Variants in PHLPP2 observed in about 807,000 individuals in gnomAD.
The protein encoded by PHLPP2 is PH domain and leucine rich repeat protein phosphatase 2.
PHLPP2 carries 66 observed loss-of-function variants against 124.9 expected under a neutral mutation model. The ratio of observed to expected loss-of-function variants is 0.53; its 90% CI spans 0.43 to 0.65. The LOEUF is 0.65. Ranked by LOEUF, PHLPP2 falls within the 30% of genes least tolerant of loss-of-function variation. PHLPP2 has a pLI of 0.00. For missense variants in PHLPP2, 1,685 were observed against 1,600.4 expected (o/e 1.05, Z -0.90); for synonymous variants, 681 against 624.7 (o/e 1.09, Z -1.34).
At chr16:71,705,566 C>T (rs1330009959) in intron 2 of PHLPP2, among the ~76,000 whole-genome samples, 2 of 151,888 alleles carry the variant, frequency 1.3e-5, no homozygotes, top group East Asian at 3.9e-4. Flanking sequence ...GGCTGGAGTG[C>T]AGTGGTGCGA....
chr16:71,650,963 A>G (rs1333870276), intron 18 of PHLPP2, among the ~76,000 whole-genome samples: 7 of 152,248 alleles, frequency 4.6e-5, no homozygotes, highest in Admixed American at 4.6e-4. Context: ...GGTGTTTGGC[A>G]AATAATGGAC....
intron 15 of PHLPP2, among the ~76,000 whole-genome samples, chr16:71,657,383 T>G (rs1030706872): frequency 6.7e-6 from 1 of 148,992 alleles, no homozygotes; most frequent in East Asian, 2.0e-4. Flanking sequence ...CGGCCAACAA[T>G]AATATTATCT....
chr16:71,659,796 T>C (rs1444519634), intron 13 of PHLPP2, among the ~76,000 whole-genome samples: 1 of 152,146 alleles, frequency 6.6e-6, no homozygotes, highest in East Asian at 1.9e-4. Context: ...GTTTAAAAAT[T>C]ACAAAAATAA....
At chr16:71,682,134 G>A (rs1448108185) in intron 5 of PHLPP2, among the ~76,000 whole-genome samples, 1 of 150,352 alleles carries the variant, frequency 6.7e-6, no homozygotes, top group African/African-American at 2.4e-5. Flanking sequence ...ATAAGTACAA[G>A]GTTAAAAAAA....
At chr16:71,723,673 CG>C in intron 1 of PHLPP2, 6 of 520,186 alleles carry the variant, frequency 1.2e-5, no homozygotes, top group South Asian at 8.2e-5. Context: ...CTGCGCGGGG[CG>C]GGGGCGGCAG....
At chr16:71,659,367 T>C (rs906585306) in intron 13 of PHLPP2, among the ~76,000 whole-genome samples, 2 of 150,874 alleles carry the variant, frequency 1.3e-5, no homozygotes, top group African/African-American at 4.9e-5. Context: ...TTCTCCTGCC[T>C]CAGCCTCCCG....
rs1452071941 is a variant in PHLPP2, at chr16:71,684,516, G to T, written c.695C>A (p.Thr232Asn). ...QAQTYHVSFETLAEYQRWQRQ... is the reference protein window; with the variant it reads ...QAQTYHVSFENLAEYQRWQRQ... Reference sequence around the variant, plus strand: ...TTGCCATCGCTGGTACTCGGCCAAAGTCTCGAAGCTGACATGATAGGTCTG... The same window carrying T: ...TTGCCATCGCTGGTACTCGGCCAAATTCTCGAAGCTGACATGATAGGTCTG... The change falls in exon 5 of 19, where the codon ACT becomes AAT. Residue 232 changes from threonine (T) to asparagine (N), a missense_variant. Transcript: ENST00000568954. The T allele has an allele frequency of 6.2e-7, 1 of 1,614,000 alleles. No individual in the cohort carries two copies. Among genetic ancestry groups the T allele is most frequent in the Non-Finnish European group, 8.5e-7 (1 of 1,180,002 alleles).
At chr16:71,677,175 A>G (rs370909220) in intron 8 of PHLPP2, 3 of 157,498 alleles carry the variant, frequency 1.9e-5, no homozygotes, top group South Asian at 3.7e-4. Flanking sequence ...GCAAATACGT[A>G]TACAAATTAA....
At position 71,678,799 on chromosome 16, in the gene PHLPP2, T is replaced by A; in HGVS notation, c.1224A>T (p.Leu408Phe). 6.2e-7 allele frequency: 1 copy of A among 1,611,440 alleles called. No individual in the cohort carries two copies. Among genetic ancestry groups the A allele is most frequent in the Non-Finnish European group, 8.5e-7 (1 of 1,177,570 alleles). ...MAGNCLEVLN[L>F]GVLNRMNHIK... ...TATGGTTCATCCTATTCAGCACCCC[T>A]AAGTTCAGGACTTCCAGGCAATTTC... The change falls in exon 8 of 19, where the codon TTA (leucine) becomes TTT (phenylalanine). Residue 408 changes from leucine (L) to phenylalanine (F), a missense_variant. Coordinates refer to ENST00000568954, the MANE Select transcript of PHLPP2 (RefSeq NM_015020.3).
chr16:71,707,758 G>C (rs1406331043), intron 2 of PHLPP2, among the ~76,000 whole-genome samples: 2 of 152,142 alleles, frequency 1.3e-5, no homozygotes, highest in Non-Finnish European at 2.9e-5. Flanking sequence ...GTGCTGATTT[G>C]CATCAAGCTA....
intron 17 of PHLPP2, among the ~76,000 whole-genome samples, chr16:71,653,404 C>T (rs1302478312): frequency 6.6e-6 from 1 of 152,102 alleles, no homozygotes; most frequent in East Asian, 1.9e-4. Context: ...GGGTAAGAGG[C>T]TGGCCCAATA....
intron 5 of PHLPP2, among the ~76,000 whole-genome samples, chr16:71,682,904 G>A (rs528691213): frequency 1.3e-5 from 2 of 152,284 alleles, no homozygotes; most frequent in South Asian, 4.1e-4. Flanking sequence ...TAGGCGTGGT[G>A]GCTCACACCA....
At chr16:71,693,938 A>C (rs1408165647) in intron 3 of PHLPP2, among the ~76,000 whole-genome samples, 1 of 152,194 alleles carries the variant, frequency 6.6e-6, no homozygotes, top group Admixed American at 6.5e-5. Flanking sequence ...TACAACTGTA[A>C]TCCCAGCACT....
chr16:71,722,402 G>C (rs530428507), intron 1 of PHLPP2, among the ~76,000 whole-genome samples: 18 of 152,194 alleles, frequency 1.2e-4, no homozygotes, highest in South Asian at 6.2e-4. Flanking sequence ...ACTCAGGCTT[G>C]GGTGACAGAG....
Position 71,655,305 on chromosome 16 carries a change from T to C in PHLPP2, c.2520A>G (p.Leu840=), listed in dbSNP as rs2044732746. The change falls in exon 17 of 19, where the codon TTA becomes TTG. Residue 840 remains leucine, a synonymous_variant. Transcript: ENST00000568954. ...LLQCTMADVL[L]EEVQQSTNDT... is the part of the protein sequence containing the mutation. ...CATTAGTTGACTGCTGTACCTCTTCTAAAAGCACATCTGCCATCGTACACT... is the reference window on the plus strand; with the variant it reads ...CATTAGTTGACTGCTGTACCTCTTCCAAAAGCACATCTGCCATCGTACACT... 4 of 1,614,034 alleles carry C rather than the reference T, an allele frequency of 2.5e-6. No homozygotes were observed. The African/African-American group carries it at 4.0e-5, about 16-fold the overall frequency.
Position 71,667,084 on chromosome 16 carries a change from T to G in PHLPP2, c.1784+94A>C, listed in dbSNP as rs534630094. Reference sequence around the variant, plus strand: ...GTTGGACTATTAGGTAAACGCTCTGTAAATACAGTTCCAAAGGTCACTCCA... The same window carrying G: ...GTTGGACTATTAGGTAAACGCTCTGGAAATACAGTTCCAAAGGTCACTCCA... On this transcript the variant is annotated intron_variant, in intron 12 of 18. Coordinates refer to ENST00000568954, the MANE Select transcript of PHLPP2 (RefSeq NM_015020.3). The G allele has an allele frequency of 4.6e-6, 5 of 1,092,026 alleles. No homozygotes were observed. The East Asian group carries it at 1.2e-4, about 27-fold the overall frequency. 67.6% of individuals were successfully genotyped at this position (1,092,026 alleles called of 1,614,324 possible).
At chr16:71,656,089 AC>A (rs76176186) in intron 16 of PHLPP2, among the ~76,000 whole-genome samples, 16,282 of 151,890 alleles carry the variant, frequency 0.11, 1,304 homozygotes, top group South Asian at 0.39. Flanking sequence ...TGAGTTTATT[AC>A]CCCTTATAGC....
chr16:71,658,240 T>A lies in PHLPP2; in HGVS notation c.2272A>T (p.Ile758Leu). 6.2e-7 allele frequency: 1 copy of A among 1,612,854 alleles called. No individual in the cohort carries two copies. The highest frequency in any genetic ancestry group is 2.2e-5 in the East Asian group (1 of 44,856). Residue 758 changes from isoleucine to leucine, a missense_variant, in exon 15 of 19, where the codon ATA (isoleucine) becomes TTA (leucine). Transcript: ENST00000568954. The part of the protein sequence containing the change: ...NLVLEHKTLD[I>L]FSHITTLKID... ...TTTCAAATTTTTTCCTACCTAAATATGTCCAGTGTCTTGTGTTCCAGAACC... is the reference window on the plus strand; with the variant it reads ...TTTCAAATTTTTTCCTACCTAAATAAGTCCAGTGTCTTGTGTTCCAGAACC...
intron 4 of PHLPP2, 147 bp downstream of exon 4, chr16:71,690,372 C>G: frequency 6.3e-6 from 4 of 630,180 alleles, no homozygotes; most frequent in East Asian, 2.8e-5. Flanking sequence ...AGCCTCTGAA[C>G]CTCTGAAACA....
Sources: gnomAD v4.1 joint callset for allele counts (sites outside exome capture counted in the v4.1 genomes callset) on GRCh38, gnomAD v4.1.1 for gene constraint, MANE v1.5 for transcripts, NCBI Gene and HGNC (gene_info 2026-07-23, HGNC 2026-07-21) for gene names.